Variants in RALGAPA2 observed in about 807,000 individuals in gnomAD.
The protein encoded by RALGAPA2 is ral GTPase-activating protein subunit alpha-2.
Under a neutral mutation model 230.4 loss-of-function variants are expected in RALGAPA2, and 139 were observed. That is an observed-to-expected ratio of 0.60 (90% confidence interval 0.53 to 0.69). The LOEUF is 0.69. Ranked by LOEUF, RALGAPA2 falls within the 30% of genes least tolerant of loss-of-function variation. The pLI is 0.00. For synonymous variants in RALGAPA2, 847 were observed against 837.8 expected (o/e 1.01, Z -0.19); for missense variants, 2,163 against 2,276.0 (o/e 0.95, Z 1.01).
At chr20:20,612,927 G>A (rs1209504064) in intron 13 of RALGAPA2, among the ~76,000 whole-genome samples, 1 of 152,190 alleles carries the variant, frequency 6.6e-6, no homozygotes, top group African/African-American at 2.4e-5. Flanking sequence ...GATCCATCAT[G>A]AGAATGTGAT....
chr20:20,548,315 T>G (rs750922473), intron 23 of RALGAPA2, among the ~76,000 whole-genome samples: 18 of 152,216 alleles, frequency 1.2e-4, no homozygotes, highest in Non-Finnish European at 2.4e-4. Flanking sequence ...ATTTAACAAC[T>G]TATCTTCCTA....
intron 31 of RALGAPA2, among the ~76,000 whole-genome samples, chr20:20,517,963 C>T (rs983067608): frequency 6.6e-6 from 1 of 152,030 alleles, no homozygotes; most frequent in Non-Finnish European, 1.5e-5. Flanking sequence ...GGATCCAAAC[C>T]AAGATGAAAT....
At position 20,712,300 on chromosome 20, in the gene RALGAPA2, CTGCACAGAGGAGCG is replaced by C; in HGVS notation, c.106+61_106+74del. On this transcript the variant is annotated intron_variant, in intron 1 of 39. Transcript: ENST00000202677. The surrounding 1 kb of genome is among the most constrained non-coding windows in gnomAD (Gnocchi z 5.5). ...TCCCCAGCCTCCCAGCCACCGACCC[CTGCACAGAGGAGCG>C]CCCTCCCGGCAGGTGCCCCTAACCC... 3 of 1,446,764 alleles carry C rather than the reference CTGCACAGAGGAGCG, an allele frequency of 2.1e-6. No individual in the cohort carries two copies. The highest frequency in any genetic ancestry group is 2.6e-5 in the East Asian group (1 of 38,516). 89.6% of individuals were successfully genotyped at this position (1,446,764 alleles called of 1,614,324 possible). A position where few individuals can be genotyped will look rare whatever the true frequency, so the allele number is the denominator to read the frequency against.
intron 37 of RALGAPA2, among the ~76,000 whole-genome samples, chr20:20,422,238 A>G (rs2060292047): frequency 6.6e-6 from 1 of 152,302 alleles, no homozygotes; most frequent in South Asian, 2.1e-4. Context: ...TGAATATACA[A>G]AAAACCATTG....
At chr20:20,700,174 G>C (rs1398770860) in intron 1 of RALGAPA2, among the ~76,000 whole-genome samples, 1 of 152,132 alleles carries the variant, frequency 6.6e-6, no homozygotes, top group Non-Finnish European at 1.5e-5. Flanking sequence ...AATGCAGCTG[G>C]AGGCCATAAA....
At chr20:20,477,616 C>A (rs1287330145) in intron 36 of RALGAPA2, among the ~76,000 whole-genome samples, 3 of 152,136 alleles carry the variant, frequency 2.0e-5, no homozygotes, top group African/African-American at 7.2e-5. Flanking sequence ...GACAGAGTCT[C>A]ACTCTGTTGC....
chr20:20,650,255 C>T (rs1170461740), intron 4 of RALGAPA2, among the ~76,000 whole-genome samples: 1 of 152,090 alleles, frequency 6.6e-6, no homozygotes, highest in African/African-American at 2.4e-5. Context: ...CCTTTAAAAG[C>T]AGTTTTAAGA....
chr20:20,398,934 C>T lies in RALGAPA2; in HGVS notation c.5618-2200G>A, dbSNP rs2059773587. Among the ~76,000 whole-genome samples the T allele has an allele frequency of 6.6e-6, 1 of 152,160 alleles. No individual in the cohort carries two copies. Among genetic ancestry groups the T allele is most frequent in the Non-Finnish European group, 1.5e-5 (1 of 68,026 alleles). On this transcript the variant is annotated intron_variant, in intron 38 of 39. Transcript: ENST00000202677. The surrounding 1 kb of genome is among the most constrained non-coding windows in gnomAD (Gnocchi z 4.5). ...GCCTACTCTTTATATGCATACAGCACAGGTCTAAGTACTGTAAGTAAACAG... is the reference window on the plus strand; with the variant it reads ...GCCTACTCTTTATATGCATACAGCATAGGTCTAAGTACTGTAAGTAAACAG...
At chr20:20,645,784 A>G (rs2067191499) in intron 4 of RALGAPA2, among the ~76,000 whole-genome samples, 1 of 152,182 alleles carries the variant, frequency 6.6e-6, no homozygotes, top group Admixed American at 6.5e-5. Context: ...ACTATGCCTG[A>G]GTTCTCTCAT....
chr20:20,680,613 A>T, intron 2 of RALGAPA2, 78 bp downstream of exon 2: 1 of 1,429,000 alleles, frequency 7.0e-7, no homozygotes, highest in Non-Finnish European at 9.1e-7. Context: ...TTAAAAATGT[A>T]TAATTTGTGG....
At position 20,620,630 on chromosome 20, in the gene RALGAPA2, C is replaced by G; in HGVS notation, c.1234G>C (p.Ala412Pro). The change falls in exon 11 of 40, where the codon GCA becomes CCA. Residue 412 changes from alanine (A) to proline (P), a missense_variant and splice_region_variant. Coordinates refer to ENST00000202677, the MANE Select transcript of RALGAPA2 (RefSeq NM_020343.4). ...VNFVNEVFHQ[A>P]FLLPSCEIAV... is the part of the protein sequence containing the mutation. ...ATCTCACAGGAAGGCAACAAAAATG[C>G]CTGAAAGGAAAAGAGAAAACTCCCT... is the stretch of plus-strand genomic sequence containing the variant. 1 of 1,605,124 alleles carries G rather than the reference C, an allele frequency of 6.2e-7. No homozygotes were observed. Among genetic ancestry groups the G allele is most frequent in the Non-Finnish European group, 8.5e-7 (1 of 1,176,188 alleles).
At chr20:20,504,067 T>G (rs1260584507) in intron 34 of RALGAPA2, among the ~76,000 whole-genome samples, 1 of 152,212 alleles carries the variant, frequency 6.6e-6, no homozygotes, top group Non-Finnish European at 1.5e-5. Context: ...AATTTTTAAC[T>G]TGTCATAAAC....
chr20:20,575,968 T>G (rs887265213), intron 20 of RALGAPA2, among the ~76,000 whole-genome samples: 1 of 152,314 alleles, frequency 6.6e-6, no homozygotes, highest in South Asian at 2.1e-4. Context: ...TTTAATAATA[T>G]GCATTATTAT....
intron 10 of RALGAPA2, among the ~76,000 whole-genome samples, chr20:20,624,344 A>G (rs2066422553): frequency 6.6e-6 from 1 of 151,638 alleles, no homozygotes; most frequent in Non-Finnish European, 1.5e-5. Flanking sequence ...AAAAAAAAAA[A>G]AAAAAGAAAG....
In RALGAPA2 at chr20:20,512,705, T is replaced by G. The variant is rs1260406548; in HGVS notation, c.4664A>C (p.Asp1555Ala). 1 of 1,614,012 alleles carries G rather than the reference T, an allele frequency of 6.2e-7. No individual in the cohort carries two copies. Among genetic ancestry groups the G allele is most frequent in the East Asian group, 2.2e-5 (1 of 44,882 alleles). ...GACCTCAATGATTTCCTTCTCTTGGTCATAGTTCATGCCACATGGGGTTAG... is the reference window on the plus strand; with the variant it reads ...GACCTCAATGATTTCCTTCTCTTGGGCATAGTTCATGCCACATGGGGTTAG... The part of the protein sequence containing the change: ...PSLTPCGMNY[D>A]QEKEIIEVIL... The change falls in exon 32 of 40, where the codon GAC (aspartate) becomes GCC (alanine). Residue 1555 changes from aspartate to alanine, a missense_variant. Transcript: ENST00000202677.
At chr20:20,439,696 T>C (rs967668048) in intron 37 of RALGAPA2, among the ~76,000 whole-genome samples, 1 of 152,224 alleles carries the variant, frequency 6.6e-6, no homozygotes, top group Non-Finnish European at 1.5e-5. Flanking sequence ...CACAGCTACA[T>C]GCACAGCTTC....
At chr20:20,620,660 C>A in intron 10 of RALGAPA2, 30 bp from the exon 11 acceptor site, 1 of 1,569,218 alleles carries the variant, frequency 6.4e-7, no homozygotes, top group Non-Finnish European at 8.7e-7. Context: ...CTCCCTTTAA[C>A]TACAAACACA....
chr20:20,431,841 T>C (rs1231529791), intron 37 of RALGAPA2, among the ~76,000 whole-genome samples: 1 of 152,184 alleles, frequency 6.6e-6, no homozygotes, highest in African/African-American at 2.4e-5. Flanking sequence ...CAAATGTCAC[T>C]TCTATAGCAT....
Position 20,712,603 on chromosome 20 carries a change from TGCCGCCGCC to T in RALGAPA2, c.-132_-124del, listed in dbSNP as rs576792974. 6.3e-5 allele frequency: 74 copies of T among 1,179,336 alleles called. No individual in the cohort carries two copies. The highest frequency in any genetic ancestry group is 3.2e-4 in the Middle Eastern group (1 of 3,108). The allele number at this position is 1,179,336 out of a possible 1,614,324, so 73.1% of individuals were successfully genotyped here. On this transcript the variant is annotated 5_prime_UTR_variant, in exon 1 of 40. Coordinates refer to ENST00000202677, the MANE Select transcript of RALGAPA2 (RefSeq NM_020343.4). The surrounding 1 kb of genome is among the most constrained non-coding windows in gnomAD (Gnocchi z 5.5). ...CACTCGCCGCCCCCAGCCCCGCTGC[TGCCGCCGCC>T]GCCGCCGCCGCCGCCGCCTCAGCTG...
Sources: allele counts gnomAD v4.1 joint callset (sites outside exome capture counted in the v4.1 genomes callset), GRCh38; gene constraint gnomAD v4.1.1; non-coding constraint Gnocchi (gnomAD v3.1); transcripts MANE v1.5; gene names NCBI Gene and HGNC (gene_info 2026-07-23, HGNC 2026-07-21).